The following PDPN variants were observed in gnomAD, a reference collection of about 807,000 sequenced individuals.
PDPN encodes podoplanin.
Under a neutral mutation model 23.2 loss-of-function variants are expected in PDPN, and 12 were observed. The observed-to-expected ratio is 0.52, with a 90% CI of 0.33 to 0.84. The LOEUF (loss-of-function observed/expected upper bound fraction) is 0.84. Ranked by LOEUF, PDPN falls within the 40% of genes least tolerant of loss-of-function variation. The pLI, the probability that PDPN is intolerant of heterozygous loss-of-function variation, is 0.02. For synonymous variants in PDPN, 77 were observed against 76.7 expected, an observed-to-expected ratio of 1.00 and a Z score of -0.02; for missense variants, 199 against 212.2, an observed-to-expected ratio of 0.94 and a Z score of 0.39.
rs757963944 is a variant in PDPN at position 13,614,428 on chromosome 1, C to G, written c.482+17C>G. 4.1e-6 allele frequency: 5 copies of G among 1,231,246 alleles called. No homozygotes were observed. In the African/African-American group the frequency reaches 7.4e-5, roughly 18 times the overall value. 76.3% of individuals were successfully genotyped at this position (1,231,246 alleles called of 1,614,324 possible). A position where few individuals can be genotyped will look rare whatever the true frequency, so the allele number is the denominator to read the frequency against. ...AAGGTACTCGTAAGTAAATAGCTTA[C>G]ACCCATGTGATAGGCAAATGAAAGC... On this transcript the variant is annotated intron_variant, in intron 5 of 5. Transcript: ENST00000621990.
intron 1 of PDPN, among the ~76,000 whole-genome samples, chr1:13,589,796 C>T (rs1411511487): frequency 6.6e-6 from 1 of 151,950 alleles, no homozygotes; most frequent in Non-Finnish European, 1.5e-5. Flanking sequence ...GTACTTCTTA[C>T]CTTACGGCAG....
chr1:13,615,349 G>A lies in PDPN; in HGVS notation c.483-556G>A, dbSNP rs1570066063. Among the ~76,000 whole-genome samples, 3 of 149,986 alleles carry A rather than the reference G, an allele frequency of 2.0e-5. No homozygotes were observed. The South Asian group carries it at 6.3e-4, about 32-fold the overall frequency. ...GTCACCAGGCTGGATGGAGTAGTGC[G>A]ATCTCGGCTCACTGCAACCTCTGAC... is the stretch of plus-strand genomic sequence containing the variant. On this transcript the variant is annotated intron_variant, in intron 5 of 5. Transcript: ENST00000621990.
intron 1 of PDPN, among the ~76,000 whole-genome samples, chr1:13,599,074 A>T (rs955900155): frequency 6.9e-6 from 1 of 145,022 alleles, no homozygotes; most frequent in African/African-American, 2.6e-5. Flanking sequence ...GTAGTGGCGC[A>T]ATCTTGGCTC....
intron 1 of PDPN, among the ~76,000 whole-genome samples, chr1:13,594,147 A>G (rs1218389140): frequency 1.3e-5 from 2 of 152,240 alleles, no homozygotes; most frequent in Non-Finnish European, 2.9e-5. Flanking sequence ...TCATTCAGGC[A>G]GCAGAGACTG....
At chr1:13,607,582 A>T (rs1021343997) in intron 2 of PDPN, among the ~76,000 whole-genome samples, 1 of 152,168 alleles carries the variant, frequency 6.6e-6, no homozygotes, top group African/African-American at 2.4e-5. Context: ...TTAAAGTCGC[A>T]GTTTCCAAGA....
intron 5 of PDPN, among the ~76,000 whole-genome samples, chr1:13,615,605 G>A (rs1641052651): frequency 6.6e-6 from 1 of 152,014 alleles, no homozygotes; most frequent in African/African-American, 2.4e-5. Flanking sequence ...TTTCTTATAT[G>A]AGTTGGAGGG....
chr1:13,585,893 T>C (rs1176924559), intron 1 of PDPN, among the ~76,000 whole-genome samples: 1 of 152,146 alleles, frequency 6.6e-6, no homozygotes, highest in East Asian at 1.9e-4. Flanking sequence ...GGGGTAATTA[T>C]GGTGATGAAT....
intron 1 of PDPN, among the ~76,000 whole-genome samples, chr1:13,598,627 A>G (rs1168118646): frequency 1.3e-5 from 2 of 151,512 alleles, no homozygotes; most frequent in Admixed American, 1.3e-4. Flanking sequence ...CCCATCCTTA[A>G]AACAGTTCTA....
intron 2 of PDPN, among the ~76,000 whole-genome samples, chr1:13,608,933 A>T (rs936487430): frequency 6.6e-6 from 1 of 152,140 alleles, no homozygotes; most frequent in Non-Finnish European, 1.5e-5. Context: ...CTCAAGGTTG[A>T]TGCCATCTCA....
intron 1 of PDPN, 95 bp downstream of exon 1, chr1:13,584,195 C>T (rs764284202): frequency 6.5e-7 from 1 of 1,534,694 alleles, no homozygotes; most frequent in Non-Finnish European, 8.8e-7. Context: ...CGAGGTTGTC[C>T]AGGGGAGCGC....
intron 1 of PDPN, among the ~76,000 whole-genome samples, chr1:13,596,605 T>G (rs906044705): frequency 2.0e-5 from 3 of 152,128 alleles, no homozygotes; most frequent in African/African-American, 7.2e-5. Context: ...TAAAGGAGCT[T>G]TGGGACTTCA....
chr1:13,592,316 G>C (rs967287709), intron 1 of PDPN, among the ~76,000 whole-genome samples: 1 of 151,994 alleles, frequency 6.6e-6, no homozygotes, highest in Non-Finnish European at 1.5e-5. Flanking sequence ...TTAAAATTTT[G>C]GTAAAGTTAA....
At chr1:13,591,707 T>G (rs1274985379) in intron 1 of PDPN, among the ~76,000 whole-genome samples, 3 of 152,196 alleles carry the variant, frequency 2.0e-5, no homozygotes, top group African/African-American at 7.2e-5. Context: ...TAAAAAAAAT[T>G]TTTTAGAGAT....
chr1:13,615,921 G>A lies in PDPN; in HGVS notation c.*10G>A, dbSNP rs779341575. The A allele has an allele frequency of 4.3e-6, 7 of 1,613,352 alleles. No individual in the cohort carries two copies. In the South Asian group the frequency reaches 7.7e-5, roughly 18 times the overall value. ...TTTTCACAGGCCCTAAAGAGCTGAA[G>A]GGTTACGCCCTGCTGCCAACGTGCT... is the stretch of plus-strand genomic sequence containing the variant. On this transcript the variant is annotated 3_prime_UTR_variant, in exon 6 of 6. Coordinates refer to ENST00000621990, the MANE Select transcript of PDPN (RefSeq NM_006474.5).
chr1:13,602,816 T>A (rs1265316242), intron 1 of PDPN, among the ~76,000 whole-genome samples: 1 of 151,882 alleles, frequency 6.6e-6, no homozygotes, highest in Non-Finnish European at 1.5e-5. Context: ...GATCCACCCG[T>A]CTCAGCCTCC....
chr1:13,605,408 C>G (rs1049171618), intron 1 of PDPN, among the ~76,000 whole-genome samples: 1 of 152,156 alleles, frequency 6.6e-6, no homozygotes, highest in African/African-American at 2.4e-5. Context: ...TTTCCAGAAC[C>G]ACTGGAGTTT....
At chr1:13,614,168 T>C (rs1283344530) in intron 4 of PDPN, 132 bp from the exon 5 acceptor site, 5 of 600,998 alleles carry the variant, frequency 8.3e-6, no homozygotes, top group Non-Finnish European at 1.5e-5. Context: ...GAAGAAATGC[T>C]CCATGCTCAA....
chr1:13,591,914 A>C (rs1027581927), intron 1 of PDPN, among the ~76,000 whole-genome samples: 1 of 152,218 alleles, frequency 6.6e-6, no homozygotes, highest in African/African-American at 2.4e-5. Context: ...TGCACCATTT[A>C]CAGTTCCACC....
chr1:13,608,318 G>A (rs1010783838), intron 2 of PDPN, among the ~76,000 whole-genome samples: 16 of 152,152 alleles, frequency 1.1e-4, no homozygotes, highest in African/African-American at 3.6e-4. Flanking sequence ...CATTGGGAGG[G>A]ATTGAGGAGG....
Sources: gnomAD v4.1 joint callset for allele counts (sites outside exome capture counted in the v4.1 genomes callset) on GRCh38, gnomAD v4.1.1 for gene constraint, MANE v1.5 for transcripts, NCBI Gene and HGNC (gene_info 2026-07-23, HGNC 2026-07-21) for gene names.